C6orf62: variants seen among roughly 807,000 people sequenced by gnomAD.
C6orf62 encodes the protein chromosome 6 open reading frame 62, also known as uncharacterized protein C6orf62.
C6orf62 carries 16 observed loss-of-function variants against 26.8 expected under a neutral mutation model. The observed-to-expected ratio is 0.60, with a 90% CI of 0.40 to 0.91. C6orf62 has a LOEUF of 0.91. C6orf62 is among the 40% of genes least tolerant of loss of function. C6orf62 has a pLI of 0.00. For synonymous variants in C6orf62, 112 were observed against 91.5 expected (o/e 1.22, Z -1.28); for missense variants, 192 against 271.4 (o/e 0.71, Z 2.06).
chr6:24,709,996 A>G, intron 3 of C6orf62: 2 of 985,048 alleles, frequency 2.0e-6, no homozygotes, highest in Non-Finnish European at 2.4e-6. Flanking sequence ...CTTTTCTTAT[A>G]AACCGTAACA....
At chr6:24,708,009 GA>G (rs543383868) in intron 4 of C6orf62, among the ~76,000 whole-genome samples, 27 of 136,418 alleles carry the variant, frequency 2.0e-4, no homozygotes, top group Admixed American at 9.4e-4. Context: ...TCCCTCTCAA[GA>G]AAAAAAAAAA....
chr6:24,706,000 T>C lies in C6orf62; in HGVS notation c.*137A>G. On this transcript the variant is annotated 3_prime_UTR_variant, in exon 5 of 5. Transcript: ENST00000378119. ...AAAAATGATTTAAAAAAATCCAGGA[T>C]GAACAAGTTTCAAAATGCATAGTGT... 1 of 1,266,082 alleles carries C rather than the reference T, an allele frequency of 7.9e-7. No individual in the cohort carries two copies. The highest frequency in any genetic ancestry group is 3.1e-5 in the Admixed American group (1 of 32,086). The allele number at this position is 1,266,082 out of a possible 1,614,324, so 78.4% of individuals were successfully genotyped here.
At chr6:24,718,155 T>C (rs1215790729) in intron 1 of C6orf62, among the ~76,000 whole-genome samples, 1 of 152,224 alleles carries the variant, frequency 6.6e-6, no homozygotes, top group African/African-American at 2.4e-5. Flanking sequence ...CTTTAGCATA[T>C]AAACAGTCTG....
In C6orf62 at chr6:24,705,465, C is replaced by G. The variant is rs558220404; in HGVS notation, c.*672G>C. 1 of 152,456 alleles carries G rather than the reference C, an allele frequency of 6.6e-6. No individual in the cohort carries two copies. The highest frequency in any genetic ancestry group is 2.4e-5 in the African/African-American group (1 of 41,346). 9.4% of individuals were successfully genotyped at this position (152,456 alleles called of 1,614,324 possible). ...TTTAATGTGTATAACTGCATCCACA[C>G]GCAGCAGAATACTCTTACAATAGCA... On this transcript the variant is annotated 3_prime_UTR_variant, in exon 5 of 5. Coordinates refer to ENST00000378119, the MANE Select transcript of C6orf62 (RefSeq NM_030939.5).
At chr6:24,709,294 A>G in intron 3 of C6orf62, 1 of 985,384 alleles carries the variant, frequency 1.0e-6, no homozygotes, top group Non-Finnish European at 1.2e-6. Flanking sequence ...CTAGTACTCC[A>G]CGATCATAAA....
At position 24,708,788 on chromosome 6, in the gene C6orf62, G is replaced by C. The variant is rs553652359; in HGVS notation, c.553C>G (p.Gln185Glu). The change falls in exon 4 of 5, where the codon CAG becomes GAG. Residue 185 changes from glutamine to glutamate, a missense_variant. Coordinates refer to ENST00000378119, the MANE Select transcript of C6orf62 (RefSeq NM_030939.5). ...NQSVFLFIDR[Q>E]HLQTPKNKAT... ...AAAAAGCTGCTTACCTGCAAGTGCT[G>C]TCTGTCAATGAAGAGAAACACTGAC... 2 of 1,614,202 alleles carry C rather than the reference G, an allele frequency of 1.2e-6. No individual in the cohort carries two copies. Among genetic ancestry groups the C allele is most frequent in the Admixed American group, 3.3e-5 (2 of 60,014 alleles).
upstream of C6orf62, chr6:24,719,467 G>A (rs1402231428): frequency 2.7e-6 from 3 of 1,093,622 alleles, no homozygotes; most frequent in East Asian, 7.8e-5. Context: ...GGAGCCATGA[G>A]AAAAAACAGC....
chr6:24,712,690 C>CA (rs10574302), intron 3 of C6orf62, among the ~76,000 whole-genome samples: 19,649 of 100,438 alleles, frequency 0.2, 1,912 homozygotes, highest in African/African-American at 0.28. Flanking sequence ...GACTCTGTCT[C>CA]AAAAAAAAAA....
At chr6:24,710,653 C>T (rs1210479419) in intron 3 of C6orf62, 1 of 981,606 alleles carries the variant, frequency 1.0e-6, no homozygotes, top group Middle Eastern at 5.3e-4. Flanking sequence ...TTGGATTGCG[C>T]CTTTAAAGAT....
Position 24,715,829 on chromosome 6 carries a change from A to G in C6orf62, c.306+319T>C, listed in dbSNP as rs1462966736. Among the ~76,000 whole-genome samples the G allele has an allele frequency of 2.7e-5, 4 of 149,360 alleles. No homozygotes were observed. The East Asian group carries it at 7.9e-4, about 29-fold the overall frequency. The stretch of plus-strand genomic sequence containing the variant: ...ATGCCACTGCACTCTAGCCTCAGCG[A>G]AAGAGCAAGACTTTGTCTCAAAAAA... On this transcript the variant is annotated intron_variant, in intron 2 of 4. Coordinates refer to ENST00000378119, the MANE Select transcript of C6orf62 (RefSeq NM_030939.5).
chr6:24,705,590 TTTTCA>T lies in C6orf62; in HGVS notation c.*542_*546del, dbSNP rs1402764823. 6.6e-6 allele frequency: 1 copy of T among 152,660 alleles called. No individual in the cohort carries two copies. The highest frequency in any genetic ancestry group is 1.5e-5 in the Non-Finnish European group (1 of 68,046). The allele number at this position is 152,660 out of a possible 1,614,324, so 9.5% of individuals were successfully genotyped here. A position where few individuals can be genotyped will look rare whatever the true frequency, so the allele number is the denominator to read the frequency against. On this transcript the variant is annotated 3_prime_UTR_variant, in exon 5 of 5. Coordinates refer to ENST00000378119, the MANE Select transcript of C6orf62 (RefSeq NM_030939.5). Reference sequence around the variant, plus strand: ...CAAAAATGCCTACAATGAGATGCGTTTTTCATTTAAGATTTCTTTCCCATGGTTGT... The same window carrying T: ...CAAAAATGCCTACAATGAGATGCGTTTTTAAGATTTCTTTCCCATGGTTGT...
rs1779162172 is a variant in C6orf62, at chr6:24,713,504, ACAATTAG to A, written c.429+807_429+813del. Among the ~76,000 whole-genome samples the A allele has an allele frequency of 2.0e-5, 3 of 152,198 alleles. No homozygotes were observed. In the South Asian group the frequency reaches 6.2e-4, roughly 31 times the overall value. ...AAGTTTTAAATGACAAATAATCCTC[ACAATTAG>A]CTTAAAATAAAGAAGCCTTCTAATA... is the stretch of plus-strand genomic sequence containing the variant. On this transcript the variant is annotated intron_variant, in intron 3 of 4. Transcript: ENST00000378119.
chr6:24,718,396 C>A, intron 1 of C6orf62, 144 bp downstream of exon 1: 4 of 771,206 alleles, frequency 5.2e-6, no homozygotes, highest in Non-Finnish European at 8.1e-6. Flanking sequence ...AGAATCACCC[C>A]TAAGGGTGAA....
At chr6:24,719,211 C>T, upstream of C6orf62, 1 of 977,826 alleles carries the variant, frequency 1.0e-6, no homozygotes, top group Non-Finnish European at 1.2e-6. Flanking sequence ...AACACCAAAA[C>T]AGGGTAGGTG....
At position 24,719,056 on chromosome 6, in the gene C6orf62, A is replaced by T; in HGVS notation, c.-388T>A. 1 of 1,036,898 alleles carries T rather than the reference A, an allele frequency of 9.6e-7. No individual in the cohort carries two copies. Among genetic ancestry groups the T allele is most frequent in the Non-Finnish European group, 1.2e-6 (1 of 862,478 alleles). The allele number at this position is 1,036,898 out of a possible 1,614,324, so 64.2% of individuals were successfully genotyped here. On this transcript the variant is annotated 5_prime_UTR_variant, in exon 1 of 5. Coordinates refer to ENST00000378119, the MANE Select transcript of C6orf62 (RefSeq NM_030939.5). The stretch of plus-strand genomic sequence containing the variant: ...AGGATTTAGGTGTGCAATAAAACAC[A>T]GCTGACACCAGACCAATCCCTAAAA...
At chr6:24,715,600 A>C (rs1779206345) in intron 2 of C6orf62, among the ~76,000 whole-genome samples, 1 of 152,116 alleles carries the variant, frequency 6.6e-6, no homozygotes. Context: ...TAATCTCAGC[A>C]CTTTGGGAGG....
chr6:24,706,370 G>A, intron 4 of C6orf62, 108 bp from the exon 5 acceptor site: 1 of 1,462,662 alleles, frequency 6.8e-7, no homozygotes, highest in Non-Finnish European at 9.1e-7. Context: ...TACAGAGTAA[G>A]GGACAAATTG....
chr6:24,718,996 T>C lies in C6orf62; in HGVS notation c.-328A>G. ...AACACATTTGGCTTAACTGCCAAAATAAAGGCTTTGCGGAGAAATGAAAAG... is the reference window on the plus strand; with the variant it reads ...AACACATTTGGCTTAACTGCCAAAACAAAGGCTTTGCGGAGAAATGAAAAG... On this transcript the variant is annotated 5_prime_UTR_variant, in exon 1 of 5. Transcript: ENST00000378119. The C allele has an allele frequency of 8.8e-7, 1 of 1,138,368 alleles. No homozygotes were observed. Among genetic ancestry groups the C allele is most frequent in the South Asian group, 2.0e-5 (1 of 49,672 alleles). 70.5% of individuals were successfully genotyped at this position (1,138,368 alleles called of 1,614,324 possible). A position where few individuals can be genotyped will look rare whatever the true frequency, so the allele number is the denominator to read the frequency against.
At chr6:24,708,015 A>G (rs975904037) in intron 4 of C6orf62, among the ~76,000 whole-genome samples, 2 of 152,008 alleles carry the variant, frequency 1.3e-5, no homozygotes, top group African/African-American at 4.8e-5. Context: ...TCAAGAAAAA[A>G]AAAAACGTCC....
Sources: gnomAD v4.1 joint callset for allele counts (sites outside exome capture counted in the v4.1 genomes callset) on GRCh38, gnomAD v4.1.1 for gene constraint, MANE v1.5 for transcripts, NCBI Gene and HGNC (gene_info 2026-07-23, HGNC 2026-07-21) for gene names.